KHDRBS2: variants seen among roughly 807,000 people sequenced by gnomAD.
KHDRBS2 encodes KH domain-containing, RNA-binding, signal transduction-associated protein 2.
A neutral mutation model predicts 44.3 loss-of-function variants in KHDRBS2; 26 were observed. The observed-to-expected ratio is 0.59, with a 90% CI of 0.43 to 0.81. The LOEUF is 0.81. Among genes scored for constraint, KHDRBS2 ranks in the 40% least tolerant of loss-of-function variants. The pLI is 0.00. For missense variants in KHDRBS2, 476 were observed against 433.1 expected (o/e 1.10, Z -0.88); for synonymous variants, 194 against 151.1 (o/e 1.28, Z -2.08).
chr6:61,746,101 CATGTGCAGA>C (rs1344646097), intron 6 of KHDRBS2, among the ~76,000 whole-genome samples: 2 of 151,932 alleles, frequency 1.3e-5, no homozygotes, highest in Non-Finnish European at 2.9e-5. Flanking sequence ...TTCCGGGATA[CATGTGCAGA>C]ATGTGAAGGT....
intron 1 of KHDRBS2, among the ~76,000 whole-genome samples, chr6:62,266,856 G>T (rs910790551): frequency 6.6e-6 from 1 of 151,926 alleles, no homozygotes; most frequent in African/African-American, 2.4e-5. Flanking sequence ...AAATAATAGT[G>T]TACAATATAC....
the KHDRBS2 span, among the ~76,000 whole-genome samples, chr6:61,578,006 T>C: frequency 6.6e-6 from 1 of 152,066 alleles, no homozygotes; most frequent in African/African-American, 2.4e-5. Context: ...TCTTCATTAA[T>C]AAAACTTCAC....
chr6:61,637,407 C>A, the KHDRBS2 span, among the ~76,000 whole-genome samples: 1 of 152,118 alleles, frequency 6.6e-6, no homozygotes, highest in Non-Finnish European at 1.5e-5. Context: ...TGTATATGTG[C>A]CACATTTTCT....
chr6:61,811,438 A>G (rs1408686506), intron 6 of KHDRBS2, among the ~76,000 whole-genome samples: 1 of 152,100 alleles, frequency 6.6e-6, no homozygotes, highest in Non-Finnish European at 1.5e-5. Context: ...CTCAGGTAGA[A>G]TGATTTATTT....
chr6:62,249,896 T>TCACA (rs1054737748), intron 1 of KHDRBS2, among the ~76,000 whole-genome samples: 7 of 152,072 alleles, frequency 4.6e-5, no homozygotes, highest in Non-Finnish European at 7.4e-5. Flanking sequence ...TAATTAAAGT[T>TCACA]CACATTTTAA....
the KHDRBS2 span, among the ~76,000 whole-genome samples, chr6:61,647,244 A>G: frequency 6.6e-6 from 1 of 152,188 alleles, no homozygotes; most frequent in Non-Finnish European, 1.5e-5. Flanking sequence ...ATGGTAAATC[A>G]TTCTGAAAAT....
At chr6:61,787,184 C>CTTAG (rs3054846) in intron 6 of KHDRBS2, among the ~76,000 whole-genome samples, 96,499 of 150,608 alleles carry the variant, frequency 0.64, 31,594 homozygotes, top group African/African-American at 0.79. Context: ...TTATTAGATA[C>CTTAG]TTTGTTTTCA....
At chr6:62,101,437 CCAGTTTAACAGAT>C (rs1288803241) in intron 2 of KHDRBS2, among the ~76,000 whole-genome samples, 5 of 152,096 alleles carry the variant, frequency 3.3e-5, no homozygotes, top group South Asian at 2.1e-4. Flanking sequence ...AGGAAAAACT[CCAGTTTAACAGAT>C]CACTTTGACT....
the KHDRBS2 span, among the ~76,000 whole-genome samples, chr6:61,556,483 A>C: frequency 6.6e-6 from 1 of 152,202 alleles, no homozygotes; most frequent in African/African-American, 2.4e-5. Context: ...AGACATTCTA[A>C]GTTGTCTTCT....
chr6:61,688,328 G>T (rs531413554), intron 8 of KHDRBS2, among the ~76,000 whole-genome samples: 2 of 151,862 alleles, frequency 1.3e-5, no homozygotes, highest in Non-Finnish European at 2.9e-5. Flanking sequence ...AAGGTTATCT[G>T]ACTAAAGTCT....
chr6:62,199,905 G>T (rs1321657299), intron 1 of KHDRBS2, among the ~76,000 whole-genome samples: 1 of 152,166 alleles, frequency 6.6e-6, no homozygotes, highest in Non-Finnish European at 1.5e-5. Context: ...CAATGGAACA[G>T]AACAGAGCCC....
At chr6:61,942,195 GT>G (rs1349120850) in intron 4 of KHDRBS2, among the ~76,000 whole-genome samples, 1 of 152,046 alleles carries the variant, frequency 6.6e-6, no homozygotes, top group African/African-American at 2.4e-5. Context: ...TTGGCCTCAA[GT>G]GATCCTCTTC....
At chr6:61,612,929 G>A in the KHDRBS2 span, among the ~76,000 whole-genome samples, 2 of 138,214 alleles carry the variant, frequency 1.4e-5, no homozygotes, top group African/African-American at 2.7e-5. Context: ...CTCGGCTGAC[G>A]GCAAGCTCCG....
At chr6:61,718,925 C>A (rs555656038) in intron 7 of KHDRBS2, among the ~76,000 whole-genome samples, 4 of 152,190 alleles carry the variant, frequency 2.6e-5, no homozygotes, top group South Asian at 2.1e-4. Flanking sequence ...GCCCTGATAA[C>A]TACAAATATT....
At chr6:61,571,395 A>G in the KHDRBS2 span, among the ~76,000 whole-genome samples, 1 of 152,160 alleles carries the variant, frequency 6.6e-6, no homozygotes, top group Non-Finnish European at 1.5e-5. Context: ...TATGCACCTA[A>G]TACTGGAGGT....
chr6:62,053,452 A>G (rs750312790), intron 2 of KHDRBS2, among the ~76,000 whole-genome samples: 6 of 152,178 alleles, frequency 3.9e-5, no homozygotes, highest in Non-Finnish European at 7.4e-5. Context: ...AGTTTTATTT[A>G]TCATAGGTAT....
At chr6:61,777,057 A>G (rs1336413036) in intron 6 of KHDRBS2, among the ~76,000 whole-genome samples, 1 of 151,138 alleles carries the variant, frequency 6.6e-6, no homozygotes, top group East Asian at 2.0e-4. Flanking sequence ...CAAACACCAC[A>G]TGTTCTCACT....
intron 1 of KHDRBS2, among the ~76,000 whole-genome samples, chr6:62,217,712 CAATAA>C (rs1174186123): frequency 2.0e-5 from 3 of 151,606 alleles, no homozygotes; most frequent in Non-Finnish European, 4.4e-5. Context: ...ACATATGTAA[CAATAA>C]AACATAAGTT....
chr6:61,871,426 A>C (rs779120911), intron 6 of KHDRBS2, among the ~76,000 whole-genome samples: 1 of 152,214 alleles, frequency 6.6e-6, no homozygotes, highest in Non-Finnish European at 1.5e-5. Flanking sequence ...TAAGTTGGAA[A>C]ACAACCTTCA....
Sources: allele counts gnomAD v4.1 joint callset (sites outside exome capture counted in the v4.1 genomes callset), GRCh38; gene constraint gnomAD v4.1.1; transcripts MANE v1.5; gene names NCBI Gene and HGNC (gene_info 2026-07-23, HGNC 2026-07-21).